The following LIF variants were observed in gnomAD, a reference collection of about 807,000 sequenced individuals.
The protein encoded by LIF is LIF interleukin 6 family cytokine.
Under a neutral mutation model 15.0 loss-of-function variants are expected in LIF, and 9 were observed. The observed-to-expected ratio is 0.60, with a 90% CI of 0.36 to 1.04. The LOEUF is 1.04. Among genes scored for constraint, LIF ranks in the 50% least tolerant of loss-of-function variants. The pLI, the probability that LIF is intolerant of heterozygous loss-of-function variation, is 0.01. For synonymous variants in LIF, 122 were observed against 119.7 expected (o/e 1.02, Z -0.13); for missense variants, 240 against 266.7 (o/e 0.90, Z 0.70).
Position 30,244,917 on chromosome 22 carries a change from C to G in LIF, c.36G>C (p.Leu12=), listed in dbSNP as rs1285225656. The change falls in exon 2 of 3, where the codon CTG becomes CTC. Residue 12 remains leucine (L), a synonymous_variant. Coordinates refer to ENST00000249075, the MANE Select transcript of LIF (RefSeq NM_002309.5). ...KVLAAGVVPL[L]LVLHWKHGAG... is the part of the protein sequence containing the mutation. ...CCCCATGTTTCCAGTGCAGAACCAA[C>G]AGCAGGGGCACAACTCCTGGGGACA... 1.9e-6 allele frequency: 3 copies of G among 1,614,086 alleles called. No individual in the cohort carries two copies. The Admixed American group carries it at 5.0e-5, about 27-fold the overall frequency.
At position 30,244,020 on chromosome 22, in the gene LIF, C is replaced by G; in HGVS notation, c.240G>C (p.Lys80Asn). The G allele has an allele frequency of 1.2e-6, 2 of 1,612,736 alleles. No homozygotes were observed. The highest frequency in any genetic ancestry group is 8.5e-7 in the Non-Finnish European group (1 of 1,179,808). The change falls in exon 3 of 3, where the codon AAG becomes AAC. Residue 80 changes from lysine to asparagine, a missense_variant. Transcript: ENST00000249075. ...AGTCCGTCACGTTGGGGCCACATAG[C>G]TTGTCCAGGTTGTTGGGGAACGGCT... ...QGEPFPNNLD[K>N]LCGPNVTDFP...
At chr22:30,245,701 C>A (rs944682625) in intron 1 of LIF, among the ~76,000 whole-genome samples, 2 of 152,200 alleles carry the variant, frequency 1.3e-5, no homozygotes, top group Non-Finnish European at 2.9e-5. Flanking sequence ...TGCCTTCTCC[C>A]GACTCATCCG....
chr22:30,245,472 AC>A (rs1453707179), intron 1 of LIF, among the ~76,000 whole-genome samples: 2 of 151,736 alleles, frequency 1.3e-5, no homozygotes, highest in Non-Finnish European at 2.9e-5. Context: ...TCCTCGGTTG[AC>A]CCTCATCTCC....
intron 1 of LIF, chr22:30,246,291 T>C: frequency 7.0e-6 from 2 of 286,286 alleles, no homozygotes; most frequent in Non-Finnish European, 1.1e-5. Flanking sequence ...GGGACCGCGG[T>C]TGGAAAGGAG....
Position 30,243,763 on chromosome 22 carries a change from A to G in LIF, c.497T>C (p.Val166Ala). Residue 166 changes from valine (V) to alanine (A), a missense_variant, in exon 3 of 3, where the codon GTG becomes GCG. Coordinates refer to ENST00000249075, the MANE Select transcript of LIF (RefSeq NM_002309.5). The surrounding 1 kb of genome is among the most constrained non-coding windows in gnomAD (Gnocchi z 6.0). ...CSKYHVGHVD[V>A]TYGPDTSGKD... is the part of the protein sequence containing the mutation. ...ACCCGAGGTGTCAGGGCCGTAGGTCACGTCCACATGGCCCACGTGGTACTT... is the reference window on the plus strand; with the variant it reads ...ACCCGAGGTGTCAGGGCCGTAGGTCGCGTCCACATGGCCCACGTGGTACTT... The G allele has an allele frequency of 6.2e-7, 1 of 1,614,258 alleles. No individual in the cohort carries two copies. Among genetic ancestry groups the G allele is most frequent in the Non-Finnish European group, 8.5e-7 (1 of 1,180,040 alleles).
Position 30,244,928 on chromosome 22 carries a change from C to T in LIF, c.25G>A (p.Val9Met). The change falls in exon 2 of 3, where the codon GTG becomes ATG. Residue 9 changes from valine to methionine, a missense_variant. By Grantham distance (21) the Val-to-Met change is conservative. Transcript: ENST00000249075. Reference sequence around the variant, plus strand: ...CAGTGCAGAACCAACAGCAGGGGCACAACTCCTGGGGACAGTCAGGAAGAA... The same window carrying T: ...CAGTGCAGAACCAACAGCAGGGGCATAACTCCTGGGGACAGTCAGGAAGAA... Reference protein sequence around the residue: MKVLAAGVVPLLLVLHWKH... With the variant: MKVLAAGVMPLLLVLHWKH... The T allele has an allele frequency of 9.3e-6, 15 of 1,614,026 alleles. No individual in the cohort carries two copies. The highest frequency in any genetic ancestry group is 1.3e-5 in the Non-Finnish European group (15 of 1,179,962).
chr22:30,246,394 CGAGGAGGAG>C (rs945214356), intron 1 of LIF: 21 of 947,638 alleles, frequency 2.2e-5, no homozygotes, highest in Non-Finnish European at 2.5e-5. Flanking sequence ...GTGTCCGGAG[CGAGGAGGAG>C]GAGGAGGAGA....
At chr22:30,246,489 C>T in intron 1 of LIF, 188 bp downstream of exon 1, 3 of 1,231,298 alleles carry the variant, frequency 2.4e-6, no homozygotes, top group Non-Finnish European at 3.0e-6. Context: ...GCGGGGCGTG[C>T]GGTGCTTGGG....
At chr22:30,245,413 G>A (rs1020662817) in intron 1 of LIF, among the ~76,000 whole-genome samples, 2 of 152,168 alleles carry the variant, frequency 1.3e-5, no homozygotes, top group Non-Finnish European at 2.9e-5. Flanking sequence ...CCAAATCTCC[G>A]AAGCCAGGCA....
Position 30,243,494 on chromosome 22 carries a change from C to A in LIF, c.*157G>T. On this transcript the variant is annotated 3_prime_UTR_variant, in exon 3 of 3. Transcript: ENST00000249075. This position sits in a 1 kb window ranked among gnomAD's most constrained non-coding sequence, Gnocchi z 6.0. ...TGCTCAGCTTCATCACAGCCCAGCC[C>A]AGAGTGGAGTGGACTGGCCAGGCAC... is the stretch of plus-strand genomic sequence containing the variant. 1.2e-6 allele frequency: 1 copy of A among 826,202 alleles called. No homozygotes were observed. The highest frequency in any genetic ancestry group is 2.0e-6 in the Non-Finnish European group (1 of 498,960). The allele number at this position is 826,202 out of a possible 1,614,324, so 51.2% of individuals were successfully genotyped here. A position where few individuals can be genotyped will look rare whatever the true frequency, so the allele number is the denominator to read the frequency against.
rs737812 is a variant in LIF at position 30,243,121 on chromosome 22, C to G, written c.*530G>C. 1 of 167,204 alleles carries G rather than the reference C, an allele frequency of 6.0e-6. No individual in the cohort carries two copies. The highest frequency in any genetic ancestry group is 1.3e-5 in the Non-Finnish European group (1 of 75,426). 10.4% of individuals were successfully genotyped at this position (167,204 alleles called of 1,614,324 possible). On this transcript the variant is annotated 3_prime_UTR_variant, in exon 3 of 3. Coordinates refer to ENST00000249075, the MANE Select transcript of LIF (RefSeq NM_002309.5). The surrounding 1 kb of genome is among the most constrained non-coding windows in gnomAD (Gnocchi z 6.0). ...TCTGATCATCCTCAAAAGAAGACAG[C>G]CTTCCATCCCAGAGGCCCCTCTCTA...
rs1333691728 is a variant in LIF at position 30,241,451 on chromosome 22, A to G, written c.*2200T>C. The G allele has an allele frequency of 6.5e-6, 1 of 152,742 alleles. No homozygotes were observed. Among genetic ancestry groups the G allele is most frequent in the African/African-American group, 2.4e-5 (1 of 41,440 alleles). The allele number at this position is 152,742 out of a possible 1,614,324, so 9.5% of individuals were successfully genotyped here. A position where few individuals can be genotyped will look rare whatever the true frequency, so the allele number is the denominator to read the frequency against. On this transcript the variant is annotated 3_prime_UTR_variant, in exon 3 of 3. Coordinates refer to ENST00000249075, the MANE Select transcript of LIF (RefSeq NM_002309.5). The surrounding 1 kb of genome is among the most constrained non-coding windows in gnomAD (Gnocchi z 4.4). ...TCCTGGACAAGGGTGAGTGTGGCCCACATCTCAACAGCCACATCCTCGTCT... is the reference window on the plus strand; with the variant it reads ...TCCTGGACAAGGGTGAGTGTGGCCCGCATCTCAACAGCCACATCCTCGTCT...
Position 30,246,713 on chromosome 22 carries a change from AGGGC to A in LIF, c.-22_-19del. 6.4e-7 allele frequency: 1 copy of A among 1,553,222 alleles called. No individual in the cohort carries two copies. Among genetic ancestry groups the A allele is most frequent in the Non-Finnish European group, 8.7e-7 (1 of 1,147,208 alleles). ...ACCTTCATTATGGGCTGCACTTCAGAGGGCCTTGGAGGAAACCTCAGATGCCGGC... is the reference window on the plus strand; with the variant it reads ...ACCTTCATTATGGGCTGCACTTCAGACTTGGAGGAAACCTCAGATGCCGGC... On this transcript the variant is annotated 5_prime_UTR_variant, in exon 1 of 3. Transcript: ENST00000249075.
chr22:30,244,139 T>A, intron 2 of LIF, 78 bp from the exon 3 acceptor site: 1 of 1,401,244 alleles, frequency 7.1e-7, no homozygotes, highest in Admixed American at 2.0e-5. Flanking sequence ...GGGCAAGCTC[T>A]TGCGTCTGTT....
rs1601644188 is a variant in LIF at position 30,246,333 on chromosome 22, G to C, written c.19+344C>G. 1.6e-5 allele frequency: 7 copies of C among 434,654 alleles called. No individual in the cohort carries two copies. The East Asian group carries it at 4.5e-4, about 28-fold the overall frequency. The allele number at this position is 434,654 out of a possible 1,614,324, so 26.9% of individuals were successfully genotyped here. On this transcript the variant is annotated intron_variant, in intron 1 of 2. Transcript: ENST00000249075. ...GAAAGAAAGAAAGAAAAGAAAAAGA[G>C]AGAGGGAGAGTGAATCTGGGAGAAA...
At chr22:30,245,035 G>A in intron 1 of LIF, 102 bp from the exon 2 acceptor site, 1 of 1,120,360 alleles carries the variant, frequency 8.9e-7, no homozygotes, top group Non-Finnish European at 1.3e-6. Context: ...CATGGGAGAG[G>A]ACTCCTGGTT....
At chr22:30,244,124 C>A (rs529268339) in intron 2 of LIF, 63 bp from the exon 3 acceptor site, 34 of 1,498,526 alleles carry the variant, frequency 2.3e-5, no homozygotes, top group Middle Eastern at 3.7e-4. Flanking sequence ...TGCCGCCAAC[C>A]CTTTGGGCAA....
At chr22:30,244,624 T>C (rs892082367) in intron 2 of LIF, 131 bp downstream of exon 2, 46 of 894,296 alleles carry the variant, frequency 5.1e-5, no homozygotes, top group Admixed American at 1.6e-4. Context: ...GGGGGTGGTT[T>C]AATCAAGCCC....
rs201562246 is a variant in LIF at position 30,244,055 on chromosome 22, C to T, written c.205G>A (p.Ala69Thr). 2.5e-6 allele frequency: 4 copies of T among 1,605,348 alleles called. No individual in the cohort carries two copies. In the East Asian group the frequency reaches 6.7e-5, roughly 27 times the overall value. Residue 69 changes from alanine (A) to threonine (T), a missense_variant, in exon 3 of 3, where the codon GCC becomes ACC. Ala to Thr is a moderately conservative substitution (Grantham distance 58). Coordinates refer to ENST00000249075, the MANE Select transcript of LIF (RefSeq NM_002309.5). ...ANALFILYYT[A>T]QGEPFPNNLD... Reference sequence around the variant, plus strand: ...TTGTTGGGGAACGGCTCCCCCTGGGCTGTGTACTGAGGGGCAGAAGGGAGG... The same window carrying T: ...TTGTTGGGGAACGGCTCCCCCTGGGTTGTGTACTGAGGGGCAGAAGGGAGG...
Sources: allele counts gnomAD v4.1 joint callset (sites outside exome capture counted in the v4.1 genomes callset), GRCh38; gene constraint gnomAD v4.1.1; non-coding constraint Gnocchi (gnomAD v3.1); transcripts MANE v1.5; gene names NCBI Gene and HGNC (gene_info 2026-07-23, HGNC 2026-07-21).